DPP10: variants seen among roughly 807,000 people sequenced by gnomAD.
The protein encoded by DPP10 is inactive dipeptidyl peptidase 10.
Under a neutral mutation model 120.9 loss-of-function variants are expected in DPP10, and 33 were observed. That is an observed-to-expected ratio of 0.27 (90% CI 0.21 to 0.37). The LOEUF (loss-of-function observed/expected upper bound fraction) is 0.37, where lower values mean the gene tolerates loss of function less well. Among genes scored for constraint, DPP10 ranks in the 10% least tolerant of loss-of-function variants. The probability of loss-of-function intolerance (pLI) is 1.00; values close to 1 mark genes in which losing one functional copy is unlikely to be tolerated. For synonymous variants in DPP10, 337 were observed against 326.1 expected, an observed-to-expected ratio of 1.03 and a Z score of -0.36; for missense variants, 816 against 942.8, an observed-to-expected ratio of 0.87 and a Z score of 1.76.
At chr2:114,761,656 G>A (rs921703305) in intron 1 of DPP10, among the ~76,000 whole-genome samples, 1 of 152,132 alleles carries the variant, frequency 6.6e-6, no homozygotes, top group African/African-American at 2.4e-5. Context: ...CAGTGAAAGC[G>A]CAGAGCTCAG....
At chr2:114,757,133 A>G (rs1679829239) in intron 1 of DPP10, among the ~76,000 whole-genome samples, 1 of 139,776 alleles carries the variant, frequency 7.2e-6, no homozygotes, top group African/African-American at 2.6e-5. Flanking sequence ...AAGGGAAAAA[A>G]GGAAGGGAGA....
intron 5 of DPP10, among the ~76,000 whole-genome samples, chr2:115,675,480 GA>G (rs2090184189): frequency 1.3e-5 from 2 of 152,140 alleles, no homozygotes; most frequent in African/African-American, 4.8e-5. Flanking sequence ...GGAGAACAAT[GA>G]AATTCAGCAA....
intron 5 of DPP10, among the ~76,000 whole-genome samples, chr2:115,686,759 T>C (rs79895433): frequency 0.018 from 2,789 of 152,136 alleles, 37 homozygotes; most frequent in Non-Finnish European, 0.028. Flanking sequence ...ATATGGTATA[T>C]TGGAATTCTG....
chr2:115,038,362 C>G (rs1488043334), intron 1 of DPP10, among the ~76,000 whole-genome samples: 2 of 151,980 alleles, frequency 1.3e-5, no homozygotes, highest in Non-Finnish European at 2.9e-5. Context: ...GCTCCGCCTC[C>G]CGGGTTCACG....
Position 114,834,435 on chromosome 2 carries a change from A to T in DPP10, c.60+391597A>T, listed in dbSNP as rs1232355248. 2.0e-5 allele frequency among the ~76,000 whole-genome samples: 3 copies of T among 151,612 alleles called. No homozygotes were observed. The East Asian group carries it at 5.8e-4, about 29-fold the overall frequency. ...CTACACACCTATGTATATATAAGCC[A>T]TATCTACACACCTATGTACATATCA... is the stretch of plus-strand genomic sequence containing the variant. On this transcript the variant is annotated intron_variant, in intron 1 of 25. Transcript: ENST00000410059.
intron 1 of DPP10, among the ~76,000 whole-genome samples, chr2:114,937,193 A>G (rs1203004542): frequency 6.6e-6 from 1 of 152,026 alleles, no homozygotes; most frequent in African/African-American, 2.4e-5. Flanking sequence ...GGTTTTCTGA[A>G]GTTATCTTCT....
chr2:115,027,485 G>A (rs776925785), intron 1 of DPP10, among the ~76,000 whole-genome samples: 2 of 152,088 alleles, frequency 1.3e-5, no homozygotes, highest in African/African-American at 4.8e-5. Context: ...CACCTGGCAT[G>A]AATATCATGG....
At chr2:114,590,958 A>G (rs562972375) in intron 1 of DPP10, among the ~76,000 whole-genome samples, 49 of 152,236 alleles carry the variant, frequency 3.2e-4, no homozygotes, top group African/African-American at 1.1e-3. Context: ...ACAACACTGG[A>G]TATGTGATTG....
chr2:115,833,160 C>CCAA (rs1689105035), intron 21 of DPP10, among the ~76,000 whole-genome samples: 1 of 152,014 alleles, frequency 6.6e-6, no homozygotes, highest in Non-Finnish European at 1.5e-5. Flanking sequence ...ATAAAACAAA[C>CCAA]CAACAAAAAC....
chr2:114,622,674 T>G (rs10186236), intron 1 of DPP10, among the ~76,000 whole-genome samples: 44,683 of 151,968 alleles, frequency 0.29, 8,446 homozygotes, highest in African/African-American at 0.55. Flanking sequence ...TAATTGGTCA[T>G]TTATGTGTGT....
intron 1 of DPP10, among the ~76,000 whole-genome samples, chr2:114,709,634 ACTG>A (rs1330234255): frequency 6.6e-6 from 1 of 152,118 alleles, no homozygotes; most frequent in African/African-American, 2.4e-5. Flanking sequence ...GCCTTATGAA[ACTG>A]CCAAGAACTA....
At chr2:115,538,360 A>C (rs1366858006) in intron 5 of DPP10, among the ~76,000 whole-genome samples, 3 of 152,050 alleles carry the variant, frequency 2.0e-5, no homozygotes, top group African/African-American at 7.2e-5. Context: ...TGGATCGATC[A>C]GAAACCTATA....
intron 8 of DPP10, 35 bp from the exon 9 acceptor site, chr2:115,739,704 T>C (rs1677012767): frequency 6.2e-7 from 1 of 1,607,392 alleles, no homozygotes; most frequent in Non-Finnish European, 8.5e-7. Flanking sequence ...CCCACATCTC[T>C]ACAGTTGGTC....
intron 1 of DPP10, among the ~76,000 whole-genome samples, chr2:114,462,680 T>G (rs574612408): frequency 6.6e-6 from 1 of 152,174 alleles, no homozygotes; most frequent in African/African-American, 2.4e-5. Flanking sequence ...GTGTTTCAGG[T>G]GTCTCCACTA....
At chr2:115,093,661 A>G (rs1050523932) in intron 1 of DPP10, among the ~76,000 whole-genome samples, 14 of 152,108 alleles carry the variant, frequency 9.2e-5, no homozygotes, top group African/African-American at 3.4e-4. Context: ...TTGTAGGTAA[A>G]AGACAAGGCT....
intron 1 of DPP10, among the ~76,000 whole-genome samples, chr2:114,663,757 A>G (rs1697677774): frequency 6.6e-6 from 1 of 150,438 alleles, no homozygotes; most frequent in East Asian, 2.0e-4. Context: ...CAGATCTGCC[A>G]CTTGCTAGCT....
intron 1 of DPP10, among the ~76,000 whole-genome samples, chr2:114,906,858 G>A (rs1264250800): frequency 1.3e-5 from 2 of 152,066 alleles, no homozygotes; most frequent in East Asian, 3.8e-4. Context: ...CCTCATAGAA[G>A]GAGGTTGGAT....
At chr2:114,754,249 G>A (rs1287254520) in intron 1 of DPP10, among the ~76,000 whole-genome samples, 1 of 152,148 alleles carries the variant, frequency 6.6e-6, no homozygotes, top group Admixed American at 6.5e-5. Context: ...AGGGACCCGA[G>A]AGACAGGCGG....
intron 1 of DPP10, among the ~76,000 whole-genome samples, chr2:115,141,867 T>G (rs927292706): frequency 2.6e-5 from 4 of 152,094 alleles, no homozygotes; most frequent in Admixed American, 1.3e-4. Context: ...TCCACCTCCC[T>G]GTTTCAAGCA....
Sources: gnomAD v4.1 joint callset for allele counts (sites outside exome capture counted in the v4.1 genomes callset) on GRCh38, gnomAD v4.1.1 for gene constraint, MANE v1.5 for transcripts, NCBI Gene and HGNC (gene_info 2026-07-23, HGNC 2026-07-21) for gene names.